The following SAMSN1 variants were observed in gnomAD, a reference collection of about 807,000 sequenced individuals.
The protein encoded by SAMSN1 is SAM domain, SH3 domain and nuclear localization signals 1, also known as SAM domain-containing protein SAMSN-1.
In SAMSN1, 31 loss-of-function variants were observed where a neutral mutation model predicts 42.0. That is an observed-to-expected ratio of 0.74 (90% CI 0.55 to 1.00). SAMSN1 has a LOEUF of 1.00. Ranked by LOEUF, SAMSN1 falls within the 50% of genes least tolerant of loss-of-function variation. SAMSN1 has a pLI of 0.00. For synonymous variants in SAMSN1, 178 were observed against 151.9 expected, an observed-to-expected ratio of 1.17 and a Z score of -1.26; for missense variants, 464 against 439.4, an observed-to-expected ratio of 1.06 and a Z score of -0.50.
intron 2 of SAMSN1, among the ~76,000 whole-genome samples, chr21:14,622,029 T>C (rs1374866343): frequency 6.6e-6 from 1 of 152,194 alleles, no homozygotes. Context: ...GGAGTGGACC[T>C]CCAGCAAACA....
At chr21:14,612,745 T>C in intron 4 of SAMSN1, 2 of 660,338 alleles carry the variant, frequency 3.0e-6, no homozygotes, top group Non-Finnish European at 5.7e-6. Context: ...AATGTTCTTC[T>C]ATATAATTCA....
At chr21:14,612,009 C>T (rs528802788) in intron 4 of SAMSN1, among the ~76,000 whole-genome samples, 18 of 152,156 alleles carry the variant, frequency 1.2e-4, no homozygotes, top group South Asian at 4.2e-4. Flanking sequence ...TCGAGGCAGG[C>T]GGATCACGAG....
At chr21:14,620,518 T>C (rs1393408262) in intron 2 of SAMSN1, among the ~76,000 whole-genome samples, 1 of 152,236 alleles carries the variant, frequency 6.6e-6, no homozygotes, top group Non-Finnish European at 1.5e-5. Flanking sequence ...GTTCTGGATA[T>C]TTCTTTATAG....
At chr21:14,583,555 T>C (rs1600945018), upstream of SAMSN1, 3 of 606,572 alleles carry the variant, frequency 4.9e-6, no homozygotes, top group East Asian at 8.8e-5. Flanking sequence ...TGTTTAATGA[T>C]TATCTTAAGA....
At chr21:14,524,213 T>C (rs1420620216) in intron 1 of SAMSN1, among the ~76,000 whole-genome samples, 1 of 152,186 alleles carries the variant, frequency 6.6e-6, no homozygotes, top group Non-Finnish European at 1.5e-5. Flanking sequence ...CAAGGTGAAT[T>C]ATATGGAAAC....
chr21:14,613,179 G>A (rs1304625676), intron 3 of SAMSN1, among the ~76,000 whole-genome samples: 1 of 152,010 alleles, frequency 6.6e-6, no homozygotes, highest in Non-Finnish European at 1.5e-5. Flanking sequence ...TTTACGTGAA[G>A]GTATCTCAGG....
chr21:14,650,475 C>A (rs1416853973), intron 1 of SAMSN1, among the ~76,000 whole-genome samples: 2 of 151,994 alleles, frequency 1.3e-5, no homozygotes, highest in African/African-American at 4.8e-5. Flanking sequence ...TGGAAAATTT[C>A]TTGAAAGAAA....
chr21:14,500,909 C>T (rs999460253), intron 5 of SAMSN1, among the ~76,000 whole-genome samples, 174 bp from the exon 6 acceptor site: 2 of 152,166 alleles, frequency 1.3e-5, no homozygotes, highest in Non-Finnish European at 2.9e-5. Context: ...CATGGTGGGT[C>T]ATGCTTATAA....
intron 1 of SAMSN1, among the ~76,000 whole-genome samples, chr21:14,523,079 T>C (rs1445427658): frequency 6.6e-6 from 1 of 152,152 alleles, no homozygotes; most frequent in African/African-American, 2.4e-5. Context: ...TCAATATTAT[T>C]ATAACAAAAT....
exon 2 of SAMSN1, chr21:14,582,147 G>A (rs1981752754): frequency 6.5e-7 from 1 of 1,545,938 alleles, no homozygotes; most frequent in Non-Finnish European, 8.7e-7. Context: ...CATGAATGTA[G>A]GAGATCCATA....
intron 6 of SAMSN1, among the ~76,000 whole-genome samples, chr21:14,597,765 T>C (rs887565921): frequency 2.0e-5 from 3 of 152,174 alleles, no homozygotes; most frequent in African/African-American, 7.2e-5. Context: ...TCAGGCTCTA[T>C]GCATGTGCCT....
intron 2 of SAMSN1, among the ~76,000 whole-genome samples, chr21:14,630,746 C>T (rs1336369416): frequency 6.6e-6 from 1 of 152,192 alleles, no homozygotes; most frequent in Non-Finnish European, 1.5e-5. Flanking sequence ...ATTACGTGCA[C>T]TGTTTTGACA....
intron 2 of SAMSN1, among the ~76,000 whole-genome samples, chr21:14,625,420 T>C (rs1019839765): frequency 3.3e-5 from 5 of 152,194 alleles, no homozygotes; most frequent in African/African-American, 1.2e-4. Flanking sequence ...GATAAGCAAC[T>C]TCAGCCAAGT....
At chr21:14,569,604 T>A (rs1981228526) in intron 2 of SAMSN1, among the ~76,000 whole-genome samples, 1 of 152,180 alleles carries the variant, frequency 6.6e-6, no homozygotes, top group Admixed American at 6.6e-5. Flanking sequence ...CCTTTTCAAT[T>A]GTATAAAGCT....
In SAMSN1 at chr21:14,486,264, T is replaced by C. The variant is rs1206671301; in HGVS notation, c.920-150A>G. 18 of 628,004 alleles carry C rather than the reference T, an allele frequency of 2.9e-5. No individual in the cohort carries two copies. In the South Asian group the frequency reaches 2.9e-4, roughly 10 times the overall value. The allele number at this position is 628,004 out of a possible 1,614,324, so 38.9% of individuals were successfully genotyped here. ...TTCTGCAAGTAAAAGGTATCTTTGT[T>C]TATTACAAAAGAGATATTTGCACCC... is the stretch of plus-strand genomic sequence containing the variant. On this transcript the variant is annotated intron_variant, in intron 7 of 7. Transcript: ENST00000400566.
intron 5 of SAMSN1, chr21:14,609,361 C>T: frequency 1.4e-5 from 9 of 630,766 alleles, no homozygotes; most frequent in South Asian, 3.8e-5. Flanking sequence ...TTTGGTTTTC[C>T]TTTTTAAGTA....
chr21:14,609,374 C>T, intron 5 of SAMSN1: 1 of 674,748 alleles, frequency 1.5e-6, no homozygotes, highest in South Asian at 1.7e-5. Context: ...TTTAAGTAGA[C>T]CATAATGGTC....
At chr21:14,528,480 G>C (rs915991567) in intron 1 of SAMSN1, among the ~76,000 whole-genome samples, 3 of 152,086 alleles carry the variant, frequency 2.0e-5, no homozygotes, top group African/African-American at 7.2e-5. Context: ...CTAAAAAAAG[G>C]CTCTGTGCTT....
rs770866768 is a variant in SAMSN1, at chr21:14,546,252, T to C, written c.10A>G (p.Arg4Gly). Residue 4 changes from arginine (R) to glycine (G), a missense_variant, in exon 1 of 8, where the codon AGA (arginine) becomes GGA (glycine). Physicochemically the swap from Arg to Gly is moderately radical, Grantham distance 125. Transcript: ENST00000400566. Reference protein sequence around the residue: MLKRKPSNVSEKEK... With the variant: MLKGKPSNVSEKEK... ...TTCTCTGAAACATTGGATGGCTTTC[T>C]CTTGAGCATTTTGAATTCTGACTAC... 1 of 1,613,684 alleles carries C rather than the reference T, an allele frequency of 6.2e-7. No homozygotes were observed.
Sources: gnomAD v4.1 joint callset for allele counts (sites outside exome capture counted in the v4.1 genomes callset) on GRCh38, gnomAD v4.1.1 for gene constraint, MANE v1.5 for transcripts, NCBI Gene and HGNC (gene_info 2026-07-23, HGNC 2026-07-21) for gene names.